Variants in DUS3L observed in about 807,000 individuals in gnomAD.
DUS3L encodes the protein tRNA-dihydrouridine(47) synthase [NAD(P)(+)]-like.
Under a neutral mutation model 74.6 loss-of-function variants are expected in DUS3L, and 62 were observed. That is an observed-to-expected ratio of 0.83 (90% CI 0.68 to 1.03). The LOEUF (loss-of-function observed/expected upper bound fraction) is 1.03, where lower values mean the gene tolerates loss of function less well. Among genes scored for constraint, DUS3L ranks in the 50% least tolerant of loss-of-function variants. The pLI is 0.00. For missense variants in DUS3L, 884 were observed against 924.4 expected (o/e 0.96, Z 0.57); for synonymous variants, 433 against 395.7 (o/e 1.09, Z -1.12).
chr19:5,788,145 T>C lies in DUS3L; in HGVS notation c.974A>G (p.Lys325Arg), dbSNP rs769590113. ...CGNLPFRRIC[K>R]RFGADVTCGE... Reference sequence around the variant, plus strand: ...ACATGTCACATCCGCCCCGAAGCGCTTGCAGATCCGTCGGAAGGGCAGGTT... The same window carrying C: ...ACATGTCACATCCGCCCCGAAGCGCCTGCAGATCCGTCGGAAGGGCAGGTT... The change falls in exon 5 of 13, where the codon AAG becomes AGG. Residue 325 changes from lysine (K) to arginine (R), a missense_variant. Transcript: ENST00000309061. 5 of 1,613,538 alleles carry C rather than the reference T, an allele frequency of 3.1e-6. No individual in the cohort carries two copies. The highest frequency in any genetic ancestry group is 1.6e-4 in the Middle Eastern group (1 of 6,062).
intron 3 of DUS3L, among the ~76,000 whole-genome samples, chr19:5,788,745 T>G (rs1490343141): frequency 6.6e-6 from 1 of 150,762 alleles, no homozygotes; most frequent in Non-Finnish European, 1.5e-5. Flanking sequence ...CTTGCTCTGT[T>G]GCCCAGGCTG....
chr19:5,788,214 C>T (rs777570974), intron 4 of DUS3L, 38 bp from the exon 5 acceptor site: 13 of 1,607,084 alleles, frequency 8.1e-6, no homozygotes, highest in South Asian at 4.4e-5. Context: ...TGCTCTTGCA[C>T]GCGCACACAC....
chr19:5,787,025 G>T (rs138255146), intron 8 of DUS3L, 36 bp downstream of exon 8: 1 of 1,508,966 alleles, frequency 6.6e-7, no homozygotes, highest in African/African-American at 1.4e-5. Flanking sequence ...GGGGTCGACC[G>T]CGAGGCCCCA....
intron 6 of DUS3L, 64 bp from the exon 7 acceptor site, chr19:5,787,425 G>T: frequency 6.4e-7 from 1 of 1,573,200 alleles, no homozygotes. Flanking sequence ...CCTCACCCCT[G>T]CTGCCCGGAG....
At chr19:5,785,995 G>C (rs2056838098) in intron 10 of DUS3L, 8 of 603,440 alleles carry the variant, frequency 1.3e-5, no homozygotes, top group Non-Finnish European at 2.2e-5. Flanking sequence ...TGTCGCCCAG[G>C]CTGGGGTGCA....
chr19:5,789,060 C>T (rs1430021447), intron 3 of DUS3L, 147 bp downstream of exon 3: 2 of 1,236,328 alleles, frequency 1.6e-6, no homozygotes, highest in Non-Finnish European at 2.2e-6. Flanking sequence ...GGACAGAGCA[C>T]AGAGAGGGAG....
At position 5,789,622 on chromosome 19, in the gene DUS3L, C is replaced by T; in HGVS notation, c.485G>A (p.Cys162Tyr). 6.2e-7 allele frequency: 1 copy of T among 1,600,384 alleles called. No individual in the cohort carries two copies. The highest frequency in any genetic ancestry group is 1.1e-5 in the South Asian group (1 of 89,024). Residue 162 changes from cysteine to tyrosine, a missense_variant, in exon 3 of 13, where the codon TGC (cysteine) becomes TAC (tyrosine). By Grantham distance (194) the Cys-to-Tyr change is radical. Coordinates refer to ENST00000309061, the MANE Select transcript of DUS3L (RefSeq NM_020175.3). Reference sequence around the variant, plus strand: ...CCGGCCGAAGGTCTCGAAGAGCACGCAGCGGGGGCCCAGGTCGGCCGGCTT... The same window carrying T: ...CCGGCCGAAGGTCTCGAAGAGCACGTAGCGGGGGCCCAGGTCGGCCGGCTT... ...ETKPADLGPR[C>Y]VLFETFGRCP...
At chr19:5,785,562 C>G in intron 11 of DUS3L, 41 bp downstream of exon 11, 1 of 1,567,926 alleles carries the variant, frequency 6.4e-7, no homozygotes, top group Non-Finnish European at 8.6e-7. Flanking sequence ...TAACCAGCCG[C>G]GGCCCACGCG....
chr19:5,787,052 A>G lies in DUS3L; in HGVS notation c.1389+9T>C, dbSNP rs1458434006. ...GAGGCCCCAATGCCCGAGGCGTCCC[A>G]AGACCCACCGTGACGAGTGCCACGC... On this transcript the variant is annotated intron_variant, in intron 8 of 12. Coordinates refer to ENST00000309061, the MANE Select transcript of DUS3L (RefSeq NM_020175.3). 6.5e-7 allele frequency: 1 copy of G among 1,539,544 alleles called. No homozygotes were observed. The highest frequency in any genetic ancestry group is 2.4e-5 in the East Asian group (1 of 41,472).
chr19:5,788,108 G>A lies in DUS3L; in HGVS notation c.1011C>T (p.Ala337=), dbSNP rs141627109. 125 of 1,613,732 alleles carry A rather than the reference G, an allele frequency of 7.7e-5. 1 individual carries two copies. The East Asian group carries it at 2.0e-3, about 26-fold the overall frequency. The change falls in exon 5 of 13, where the codon GCC becomes GCT. Residue 337 remains alanine (A), a synonymous_variant. Transcript: ENST00000309061. ...FGADVTCGEM[A]VCTNLLQGQM... is the part of the protein sequence containing the mutation. Reference sequence around the variant, plus strand: ...GGCCCTGCAGCAGGTTGGTGCAGACGGCCATCTCTCCACATGTCACATCCG... The same window carrying A: ...GGCCCTGCAGCAGGTTGGTGCAGACAGCCATCTCTCCACATGTCACATCCG...
Position 5,785,231 on chromosome 19 carries a change from G to C in DUS3L, c.1925C>G (p.Pro642Arg). The change falls in exon 13 of 13, where the codon CCG (proline) becomes CGG (arginine). Residue 642 changes from proline (P) to arginine (R), a missense_variant. Transcript: ENST00000309061. ...CTTGTACGCGTTGGCCTTGTGCTTCGGCAAGAAGGCGAAGCTGGGGGGCAC... is the reference window on the plus strand; with the variant it reads ...CTTGTACGCGTTGGCCTTGTGCTTCCGCAAGAAGGCGAAGCTGGGGGGCAC... ...GPVPPSFAFL[P>R]KHKANAYK is the part of the protein sequence containing the mutation. 2 of 1,610,274 alleles carry C rather than the reference G, an allele frequency of 1.2e-6. No homozygotes were observed. Among genetic ancestry groups the C allele is most frequent in the Middle Eastern group, 1.7e-4 (1 of 6,050 alleles).
intron 4 of DUS3L, 77 bp from the exon 5 acceptor site, chr19:5,788,253 C>T (rs2056874606): frequency 3.7e-6 from 6 of 1,607,548 alleles, no homozygotes; most frequent in African/African-American, 1.3e-5. Flanking sequence ...CCTGAATATG[C>T]GCCCCAGCCC....
chr19:5,786,403 G>A lies in DUS3L; in HGVS notation c.1562+64C>T, dbSNP rs72985169. 6.5e-3 allele frequency: 9,841 copies of A among 1,519,570 alleles called. 107 individuals carry two copies. The highest frequency in any genetic ancestry group is 0.023 in the Middle Eastern group (108 of 4,674). The allele number at this position is 1,519,570 out of a possible 1,614,324, so 94.1% of individuals were successfully genotyped here. ...CCACAGAACAGGGGTGGGTGACGGC[G>A]TGTTGGGTTCAGGGCACTGCTGCTG... On this transcript the variant is annotated intron_variant, in intron 10 of 12. Transcript: ENST00000309061.
intron 10 of DUS3L, 87 bp downstream of exon 10, chr19:5,786,380 A>T (rs767081291): frequency 4.3e-5 from 58 of 1,343,348 alleles, no homozygotes; most frequent in Non-Finnish European, 5.8e-5. Context: ...ACAGCCCACC[A>T]CAGAACAGGG....
chr19:5,787,228 G>C (rs2056860956), intron 7 of DUS3L, 57 bp from the exon 8 acceptor site: 1 of 1,543,016 alleles, frequency 6.5e-7, no homozygotes. Context: ...GGAGACGGTG[G>C]GAGGTGGTGG....
chr19:5,786,866 C>A, intron 8 of DUS3L, 21 bp from the exon 9 acceptor site: 1 of 1,595,546 alleles, frequency 6.3e-7, no homozygotes, highest in Non-Finnish European at 8.5e-7. Context: ...AGCCGCCACG[C>A]AGGGTAGGAG....
In DUS3L at chr19:5,789,396, C is replaced by T. The variant is rs750893239; in HGVS notation, c.711G>A (p.Gln237=). The T allele has an allele frequency of 1.4e-5, 22 of 1,592,866 alleles. No individual in the cohort carries two copies. In the East Asian group the frequency reaches 4.5e-4, roughly 33 times the overall value. ...RAEQALRRFS[Q]GPTPAAAVPE... ...GGACAGCGGCAGCGGGTGTGGGGCC[C>T]TGGCTGAACCGGCGCAGGGCCTGCT... Residue 237 remains glutamine (Q), a synonymous_variant, in exon 3 of 13, where the codon CAG becomes CAA. Coordinates refer to ENST00000309061, the MANE Select transcript of DUS3L (RefSeq NM_020175.3).
chr19:5,785,903 C>T, intron 10 of DUS3L, 112 bp from the exon 11 acceptor site: 1 of 1,179,140 alleles, frequency 8.5e-7, no homozygotes, highest in East Asian at 2.7e-5. Flanking sequence ...AACCTACAAG[C>T]CTAGTAAGCC....
rs151277031 is a variant in DUS3L at position 5,786,788 on chromosome 19, C to T, written c.1447G>A (p.Glu483Lys). 690 of 1,612,180 alleles carry T rather than the reference C, an allele frequency of 4.3e-4. No homozygotes were observed. Among genetic ancestry groups the T allele is most frequent in the Non-Finnish European group, 5.5e-4 (653 of 1,179,828 alleles). Residue 483 changes from glutamate (E) to lysine (K), a missense_variant, in exon 9 of 13, where the codon GAG becomes AAG. Transcript: ENST00000309061. ...GGGCTGGCGGCCTGCACGCACTCCT[C>T]GATGTACTGCCAGTCGGCTAGCTTG... Reference protein sequence around the residue: ...YTKLADWQYIEECVQAASPMP... With the variant: ...YTKLADWQYIKECVQAASPMP...
Sources: allele counts gnomAD v4.1 joint callset (sites outside exome capture counted in the v4.1 genomes callset), GRCh38; gene constraint gnomAD v4.1.1; transcripts MANE v1.5; gene names NCBI Gene and HGNC (gene_info 2026-07-23, HGNC 2026-07-21).